MPRIP: variants seen among roughly 807,000 people sequenced by gnomAD.
The protein encoded by MPRIP is myosin phosphatase Rho-interacting protein.
Under a neutral mutation model 234.9 loss-of-function variants are expected in MPRIP, and 59 were observed. The ratio of observed to expected loss-of-function variants is 0.25; its 90% CI spans 0.20 to 0.31. The LOEUF (loss-of-function observed/expected upper bound fraction) is 0.31, where lower values mean the gene tolerates loss of function less well. MPRIP is among the 10% of genes least tolerant of loss of function. The pLI is 1.00. For synonymous variants in MPRIP, 1,144 were observed against 1,263.9 expected (o/e 0.91, Z 2.01); for missense variants, 2,436 against 3,071.0 (o/e 0.79, Z 4.89).
At chr17:17,098,495 C>T (rs1378834108) in intron 3 of MPRIP, among the ~76,000 whole-genome samples, 1 of 152,160 alleles carries the variant, frequency 6.6e-6, no homozygotes, top group Non-Finnish European at 1.5e-5. Flanking sequence ...GGAATAAATA[C>T]GAAAGGCTGA....
chr17:17,171,594 G>A, intron 16 of MPRIP, 124 bp from the exon 17 acceptor site: 1 of 1,270,998 alleles, frequency 7.9e-7, no homozygotes, highest in Non-Finnish European at 1.1e-6. Context: ...GGTGGAGCAA[G>A]CTCAGTGAAT....
chr17:17,094,008 A>G (rs1188414718), intron 3 of MPRIP, among the ~76,000 whole-genome samples: 1 of 152,072 alleles, frequency 6.6e-6, no homozygotes, highest in African/African-American at 2.4e-5. Context: ...CCTGCTGCAT[A>G]GCTCTCCATC....
At position 17,165,565 on chromosome 17, in the gene MPRIP, C is replaced by T. The variant is rs1014328641; in HGVS notation, c.3974C>T (p.Ser1325Phe). Residue 1325 changes from serine to phenylalanine, a missense_variant, in exon 16 of 24, where the codon TCC becomes TTC. Physicochemically the swap from Ser to Phe is radical, Grantham distance 155. This residue lies in a region of MPRIP where 1,998 missense variants were observed against 2,520.3 expected (regional missense o/e 0.79). Transcript: ENST00000651222. ...PGVKRQRIRF[S>F]TIQCQRYIHP... Reference sequence around the variant, plus strand: ...GTTAAAAGGCAAAGAATCCGGTTCTCCACAATCCAGTGCCAAAGATACATT... The same window carrying T: ...GTTAAAAGGCAAAGAATCCGGTTCTTCACAATCCAGTGCCAAAGATACATT... 41 of 1,304,560 alleles carry T rather than the reference C, an allele frequency of 3.1e-5. No homozygotes were observed. The highest frequency in any genetic ancestry group is 3.9e-5 in the Non-Finnish European group (39 of 989,040). 80.8% of individuals were successfully genotyped at this position (1,304,560 alleles called of 1,614,324 possible). A position where few individuals can be genotyped will look rare whatever the true frequency, so the allele number is the denominator to read the frequency against.
intron 12 of MPRIP, among the ~76,000 whole-genome samples, chr17:17,153,385 C>T (rs1193681130): frequency 2.6e-5 from 4 of 152,198 alleles, no homozygotes; most frequent in Non-Finnish European, 5.9e-5. Context: ...CTGCAGCCCT[C>T]GCTTCTGTTG....
In MPRIP at chr17:17,174,083, T is replaced by C. The variant is rs373728748; in HGVS notation, c.6750+8T>C. 1.2e-5 allele frequency: 19 copies of C among 1,612,316 alleles called. No individual in the cohort carries two copies. The African/African-American group carries it at 2.1e-4, about 18-fold the overall frequency. On this transcript the variant is annotated splice_region_variant and intron_variant, in intron 19 of 23. Transcript: ENST00000651222. The stretch of plus-strand genomic sequence containing the variant: ...CTCAATGCCCACAACCAGGTGAGCC[T>C]GCAGCCAGGTGAGCCCAAGGTTAGT...
intron 3 of MPRIP, among the ~76,000 whole-genome samples, chr17:17,126,339 T>C (rs1274722259): frequency 6.6e-6 from 1 of 152,154 alleles, no homozygotes; most frequent in African/African-American, 2.4e-5. Context: ...ATTTTGAAAC[T>C]GCCTCCTCTG....
intron 3 of MPRIP, among the ~76,000 whole-genome samples, chr17:17,089,230 C>A (rs4985721): frequency 0.43 from 64,812 of 152,088 alleles, 16,517 homozygotes; most frequent in East Asian, 0.7. Flanking sequence ...GGTTGAGAGT[C>A]CAAAATGAGT....
chr17:17,144,277 C>G (rs1293734059), intron 9 of MPRIP, among the ~76,000 whole-genome samples: 1 of 152,262 alleles, frequency 6.6e-6, no homozygotes, highest in African/African-American at 2.4e-5. Flanking sequence ...AGCAGCTCAC[C>G]ATGGGCCTCC....
intron 9 of MPRIP, 92 bp downstream of exon 9, chr17:17,143,761 A>T (rs2045393859): frequency 2.5e-6 from 2 of 787,164 alleles, no homozygotes; most frequent in South Asian, 2.0e-5. Flanking sequence ...CGTCCATGCC[A>T]GCTGTCCCTC....
chr17:17,085,544 G>C (rs915209879), intron 3 of MPRIP, among the ~76,000 whole-genome samples: 2 of 152,216 alleles, frequency 1.3e-5, no homozygotes, highest in African/African-American at 4.8e-5. Flanking sequence ...GTCAGGTGCT[G>C]CTTTATTTGA....
At chr17:17,173,647 C>T in intron 18 of MPRIP, 1 of 586,900 alleles carries the variant, frequency 1.7e-6, no homozygotes. Flanking sequence ...AATGGGGGTT[C>T]TGTGTGGCTG....
intron 3 of MPRIP, among the ~76,000 whole-genome samples, chr17:17,096,603 A>G (rs555457307): frequency 3.9e-5 from 6 of 152,188 alleles, no homozygotes; most frequent in African/African-American, 1.2e-4. Flanking sequence ...ATGGGGCCCA[A>G]TCACCTACCT....
chr17:17,164,252 G>C lies in MPRIP; in HGVS notation c.2661G>C (p.Glu887Asp). The change falls in exon 16 of 24, where the codon GAG (glutamate) becomes GAC (aspartate). Residue 887 changes from glutamate to aspartate, a missense_variant. Transcript: ENST00000651222. Reference protein sequence around the residue: ...QIQTLKRSYGEAKDTIRHHEA... With the variant: ...QIQTLKRSYGDAKDTIRHHEA... ...AGACCCTGAAGCGTAGCTATGGGGA[G>C]GCCAAGGACACGATCCGGCACCACG... The C allele has an allele frequency of 7.7e-7, 1 of 1,304,330 alleles. No homozygotes were observed. Among genetic ancestry groups the C allele is most frequent in the African/African-American group, 1.5e-5 (1 of 66,002 alleles). 80.8% of individuals were successfully genotyped at this position (1,304,330 alleles called of 1,614,324 possible).
chr17:17,082,855 C>A (rs1194081012), intron 3 of MPRIP, among the ~76,000 whole-genome samples: 1 of 152,198 alleles, frequency 6.6e-6, no homozygotes, highest in Non-Finnish European at 1.5e-5. Context: ...TAAATGGGAT[C>A]ATGCAGTGTT....
intron 11 of MPRIP, among the ~76,000 whole-genome samples, chr17:17,149,167 C>T (rs1240596259): frequency 6.6e-6 from 1 of 152,180 alleles, no homozygotes; most frequent in African/African-American, 2.4e-5. Flanking sequence ...TGTCAAAGAA[C>T]AGCCACAACT....
At chr17:17,110,531 G>A (rs2090148909) in intron 3 of MPRIP, among the ~76,000 whole-genome samples, 1 of 152,170 alleles carries the variant, frequency 6.6e-6, no homozygotes. Flanking sequence ...TCCCCACTCC[G>A]TGTTGAGTGG....
At chr17:17,134,305 G>A (rs913643753) in intron 5 of MPRIP, among the ~76,000 whole-genome samples, 14 of 152,160 alleles carry the variant, frequency 9.2e-5, no homozygotes, top group African/African-American at 3.1e-4. Context: ...CGCTGCTGCC[G>A]GGGTGGGCAG....
In MPRIP at chr17:17,057,962, A is replaced by G. The variant is rs1189791922; in HGVS notation, c.123+14991A>G. 3.4e-5 allele frequency: 15 copies of G among 441,384 alleles called. No homozygotes were observed. In the East Asian group the frequency reaches 5.1e-4, roughly 15 times the overall value. The allele number at this position is 441,384 out of a possible 1,614,324, so 27.3% of individuals were successfully genotyped here. A position where few individuals can be genotyped will look rare whatever the true frequency, so the allele number is the denominator to read the frequency against. On this transcript the variant is annotated intron_variant, in intron 1 of 23. Coordinates refer to ENST00000651222, the MANE Select transcript of MPRIP (RefSeq NM_001364716.4). The stretch of plus-strand genomic sequence containing the variant: ...TGAATGCTCGTGAACCTGCCACCCA[A>G]CTTAAGAAAGAGAACACTGACATCC...
chr17:17,061,896 T>C (rs1025326291), intron 1 of MPRIP, among the ~76,000 whole-genome samples: 29 of 152,222 alleles, frequency 1.9e-4, no homozygotes, highest in African/African-American at 6.7e-4. Flanking sequence ...AGTACAAGTG[T>C]TGGGTGTATG....
Sources: allele counts gnomAD v4.1 joint callset (sites outside exome capture counted in the v4.1 genomes callset), GRCh38; gene constraint gnomAD v4.1.1; regional missense constraint gnomAD v4.1.1; transcripts MANE v1.5; gene names NCBI Gene and HGNC (gene_info 2026-07-23, HGNC 2026-07-21).